Variants in GP6 observed in about 807,000 individuals in gnomAD.
The protein encoded by GP6 is glycoprotein VI platelet.
Under a neutral mutation model 37.3 loss-of-function variants are expected in GP6, and 45 were observed. That is an observed-to-expected ratio of 1.21 (90% CI 0.95 to 1.55). The LOEUF is 1.55. GP6 is among the 40% of genes most tolerant of loss of function. The probability of loss-of-function intolerance (pLI) is 0.00; values close to 1 mark genes in which losing one functional copy is unlikely to be tolerated. For synonymous variants in GP6, 340 were observed against 316.4 expected (o/e 1.07, Z -0.79); for missense variants, 813 against 760.2 (o/e 1.07, Z -0.82).
chr19:55,024,091 A>G (rs1031315163), intron 5 of GP6, among the ~76,000 whole-genome samples: 1 of 152,216 alleles, frequency 6.6e-6, no homozygotes, highest in Non-Finnish European at 1.5e-5. Context: ...CTTTATGCCA[A>G]TGTCAAATTC....
intron 6 of GP6, 149 bp from the exon 7 acceptor site, chr19:55,015,882 AATC>A: frequency 2.9e-6 from 2 of 699,810 alleles, no homozygotes; most frequent in East Asian, 5.3e-5. Flanking sequence ...TCATGCCTAT[AATC>A]CCAGCACTTT....
intron 5 of GP6, 106 bp downstream of exon 5, chr19:55,025,112 G>T: frequency 2.7e-6 from 2 of 746,370 alleles, no homozygotes. Flanking sequence ...GCAAATCTGT[G>T]AAAGAACCAA....
At chr19:55,024,360 A>ATGCACG (rs796633674) in intron 5 of GP6, among the ~76,000 whole-genome samples, 131 of 130,680 alleles carry the variant, frequency 1.0e-3, no homozygotes, top group East Asian at 3.1e-3. Context: ...ACGCACACAC[A>ATGCACG]CATATGCACG....
chr19:55,038,222 CG>C lies in GP6; in HGVS notation c.14del (p.Pro5ArgfsTer40). 6.3e-7 allele frequency: 1 copy of C among 1,591,750 alleles called. No individual in the cohort carries two copies. The highest frequency in any genetic ancestry group is 1.1e-5 in the South Asian group (1 of 87,616). On this transcript the variant is annotated frameshift_variant, in exon 1 of 8. Coordinates refer to ENST00000310373, the MANE Select transcript of GP6 (RefSeq NM_001083899.2). LOFTEE classifies it high-confidence loss of function. ...ACTCACCAAGACAGAAGAGGGCGGT[CG>C]GGGATGGAGACATGGTTCCTCAGCC...
rs780973296 is a variant in GP6 at position 55,014,994 on chromosome 19, G to A, written c.951C>T (p.Pro317=). 3.7e-6 allele frequency: 6 copies of A among 1,609,846 alleles called. No homozygotes were observed. The highest frequency in any genetic ancestry group is 2.2e-5 in the East Asian group (1 of 44,674). ...ACCCCCGTTTGATTTCCGGGTCAGC[G>A]GGAGGGGCGGGAGGGGCGGAAGCGG... The change falls in exon 8 of 8, where the codon CCC becomes CCT. Residue 317 remains proline (P), a synonymous_variant. Coordinates refer to ENST00000310373, the MANE Select transcript of GP6 (RefSeq NM_001083899.2).
intron 1 of GP6, among the ~76,000 whole-genome samples, chr19:55,036,856 CAAT>C (rs1755747249): frequency 6.6e-6 from 1 of 152,118 alleles, no homozygotes; most frequent in African/African-American, 2.4e-5. Context: ...ACTAAAAATA[CAAT>C]AATTAGCCAG....
At chr19:55,034,530 TG>T (rs1256528206) in intron 1 of GP6, among the ~76,000 whole-genome samples, 1 of 150,610 alleles carries the variant, frequency 6.6e-6, no homozygotes, top group African/African-American at 2.5e-5. Context: ...CACTCCAGCC[TG>T]GGCAACAGAG....
At chr19:55,034,099 C>T (rs1328259191) in intron 1 of GP6, among the ~76,000 whole-genome samples, 1 of 148,398 alleles carries the variant, frequency 6.7e-6, no homozygotes, top group Non-Finnish European at 1.5e-5. Flanking sequence ...TGTACATATA[C>T]ACGTGTGTAC....
At chr19:55,033,929 T>C (rs1004007901) in intron 1 of GP6, among the ~76,000 whole-genome samples, 1 of 152,058 alleles carries the variant, frequency 6.6e-6, no homozygotes, top group African/African-American at 2.4e-5. Flanking sequence ...ATATATATAA[T>C]AATCGTTTCA....
rs549547295 is a variant in GP6, at chr19:55,035,404, A to C, written c.34+2799T>G. On this transcript the variant is annotated intron_variant, in intron 1 of 7. Coordinates refer to ENST00000310373, the MANE Select transcript of GP6 (RefSeq NM_001083899.2). ...TAATAACAACATATTGTACACTTGC[A>C]TATCACCGATAGTAGATTTTAAATG... Among the ~76,000 whole-genome samples the C allele has an allele frequency of 4.7e-3, 716 of 152,276 alleles. 8 individuals carry two copies. The highest frequency in any genetic ancestry group is 0.016 in the African/African-American group (672 of 41,566).
chr19:55,030,739 G>T (rs1442725148), intron 3 of GP6, among the ~76,000 whole-genome samples: 1 of 152,198 alleles, frequency 6.6e-6, no homozygotes, highest in Non-Finnish European at 1.5e-5. Flanking sequence ...TAAATGCACT[G>T]TGGGGCCCTG....
intron 6 of GP6, among the ~76,000 whole-genome samples, chr19:55,017,194 G>A (rs1942879052): frequency 6.7e-6 from 1 of 150,164 alleles, no homozygotes; most frequent in Admixed American, 6.7e-5. Flanking sequence ...TCAGGTCACT[G>A]CAACCTCCAA....
chr19:55,015,618 A>G (rs759498517), intron 7 of GP6, 65 bp downstream of exon 7: 12 of 958,144 alleles, frequency 1.3e-5, no homozygotes, highest in Admixed American at 1.0e-4. Flanking sequence ...GCGTAGACAA[A>G]GGAGTTGGCT....
chr19:55,029,092 G>T (rs1162213401), intron 3 of GP6, among the ~76,000 whole-genome samples: 3 of 128,992 alleles, frequency 2.3e-5, no homozygotes, highest in African/African-American at 8.6e-5. Flanking sequence ...AGAAGAAAAA[G>T]AAAGAAAGAG....
At chr19:55,031,203 G>C (rs1205025375) in intron 3 of GP6, among the ~76,000 whole-genome samples, 1 of 152,076 alleles carries the variant, frequency 6.6e-6, no homozygotes, top group Non-Finnish European at 1.5e-5. Context: ...GGGGATCCTG[G>C]GTGAAATATT....
At chr19:55,026,154 C>G (rs1490740089) in intron 4 of GP6, among the ~76,000 whole-genome samples, 1 of 152,110 alleles carries the variant, frequency 6.6e-6, no homozygotes, top group East Asian at 1.9e-4. Context: ...TCACTGTGAC[C>G]CTGGGGGCAA....
chr19:55,019,186 A>G (rs1002798267), intron 5 of GP6, among the ~76,000 whole-genome samples: 1 of 149,164 alleles, frequency 6.7e-6, no homozygotes, highest in African/African-American at 2.5e-5. Context: ...GCTCACTGCA[A>G]CCTCCACCTC....
intron 4 of GP6, among the ~76,000 whole-genome samples, chr19:55,026,337 C>T (rs2074301151): frequency 1.3e-5 from 2 of 152,094 alleles, no homozygotes; most frequent in African/African-American, 4.8e-5. Flanking sequence ...ACACTAATTC[C>T]TTCTCTCTCC....
intron 5 of GP6, among the ~76,000 whole-genome samples, chr19:55,024,845 A>T (rs1037556694): frequency 1.3e-5 from 2 of 151,960 alleles, no homozygotes; most frequent in African/African-American, 4.8e-5. Flanking sequence ...GCATTCAGTG[A>T]CTCAGAAACA....
Sources: allele counts gnomAD v4.1 joint callset (sites outside exome capture counted in the v4.1 genomes callset), GRCh38; gene constraint gnomAD v4.1.1; transcripts MANE v1.5; gene names NCBI Gene and HGNC (gene_info 2026-07-23, HGNC 2026-07-21).